MACC1: variants seen among roughly 807,000 people sequenced by gnomAD.
MACC1 encodes metastasis-associated in colon cancer protein 1.
In MACC1, 79 loss-of-function variants were observed where a neutral mutation model predicts 70.7. That is an observed-to-expected ratio of 1.12 (90% CI 0.93 to 1.35). The LOEUF is 1.35. Ranked by LOEUF, MACC1 falls within the 40% of genes most tolerant of loss-of-function variation. The pLI is 0.00. For synonymous variants in MACC1, 361 were observed against 347.2 expected (o/e 1.04, Z -0.44); for missense variants, 1,106 against 978.1 (o/e 1.13, Z -1.74).
intron 1 of MACC1, among the ~76,000 whole-genome samples, chr7:20,171,587 T>C (rs928263553): frequency 9.2e-5 from 10 of 108,830 alleles, no homozygotes; most frequent in Admixed American, 6.0e-4. Flanking sequence ...ATTATATCTG[T>C]TTTTTTTTTT....
rs75621603 is a variant in MACC1 at position 20,142,818 on chromosome 7, A to G, written c.2347-1660T>C. Among the ~76,000 whole-genome samples the G allele has an allele frequency of 6.5e-3, 994 of 152,352 alleles. 13 individuals carry two copies. The highest frequency in any genetic ancestry group is 0.023 in the African/African-American group (941 of 41,578). On this transcript the variant is annotated intron_variant, in intron 6 of 6. Transcript: ENST00000400331. The stretch of plus-strand genomic sequence containing the variant: ...GGACACTACCTTCTATTCACTTAAA[A>G]GTCCCTGATGCTCAACGAACTGGTT...
At chr7:20,188,060 C>T (rs1018131178) in intron 1 of MACC1, among the ~76,000 whole-genome samples, 1 of 151,902 alleles carries the variant, frequency 6.6e-6, no homozygotes, top group Non-Finnish European at 1.5e-5. Flanking sequence ...GGAGAAGTGC[C>T]GAGCAAAAAG....
intron 6 of MACC1, among the ~76,000 whole-genome samples, chr7:20,148,523 G>T (rs947234968): frequency 3.3e-5 from 5 of 152,190 alleles, no homozygotes; most frequent in African/African-American, 1.2e-4. Flanking sequence ...ATTAAATAGT[G>T]TCTTTAAATC....
At chr7:20,185,115 C>G (rs949093219) in intron 1 of MACC1, 6 of 152,222 alleles carry the variant, frequency 3.9e-5, no homozygotes, top group Admixed American at 1.3e-4. Context: ...TATCAGTTCT[C>G]TCTAAGAGGT....
At chr7:20,150,241 A>G (rs1201460747) in intron 6 of MACC1, among the ~76,000 whole-genome samples, 1 of 152,184 alleles carries the variant, frequency 6.6e-6, no homozygotes, top group Non-Finnish European at 1.5e-5. Context: ...TGTGTTTTTT[A>G]CGGCTCCTAA....
intron 1 of MACC1, among the ~76,000 whole-genome samples, chr7:20,214,590 T>C (rs553986693): frequency 6.6e-6 from 1 of 152,338 alleles, no homozygotes; most frequent in South Asian, 2.1e-4. Context: ...GCAATAACTA[T>C]ATATAAATGT....
chr7:20,150,494 T>C (rs1290256776), intron 6 of MACC1: 1 of 152,216 alleles, frequency 6.6e-6, no homozygotes, highest in African/African-American at 2.4e-5. Flanking sequence ...GAACAGGTTG[T>C]GAATAGAAGA....
intron 1 of MACC1, among the ~76,000 whole-genome samples, chr7:20,208,659 G>C (rs1344499474): frequency 1.3e-5 from 2 of 152,198 alleles, no homozygotes; most frequent in Non-Finnish European, 2.9e-5. Flanking sequence ...TGATAAAAAA[G>C]AAAAACTCAT....
chr7:20,138,771 C>T lies in MACC1; in HGVS notation c.*2175G>A, dbSNP rs1199171650. 6.6e-6 allele frequency: 1 copy of T among 151,824 alleles called. No homozygotes were observed. Among genetic ancestry groups the T allele is most frequent in the African/African-American group, 2.4e-5 (1 of 41,308 alleles). The allele number at this position is 151,824 out of a possible 1,614,324, so 9.4% of individuals were successfully genotyped here. On this transcript the variant is annotated 3_prime_UTR_variant, in exon 7 of 7. Coordinates refer to ENST00000400331, the MANE Select transcript of MACC1 (RefSeq NM_182762.4). ...CACTGCAAGCTCCGCCTCCCGGGTT[C>T]ACGCCATTCTCCTGCCTCAGCCTCC...
At chr7:20,146,014 A>G (rs2128100525) in intron 6 of MACC1, among the ~76,000 whole-genome samples, 1 of 152,122 alleles carries the variant, frequency 6.6e-6, no homozygotes, top group South Asian at 2.1e-4. Flanking sequence ...TACAAAAATT[A>G]GTGAGGCGTG....
At chr7:20,213,832 A>G (rs1783031729) in intron 1 of MACC1, among the ~76,000 whole-genome samples, 1 of 152,130 alleles carries the variant, frequency 6.6e-6, no homozygotes, top group Non-Finnish European at 1.5e-5. Flanking sequence ...GTGATGAAAT[A>G]ATCTGTACAA....
intron 1 of MACC1, among the ~76,000 whole-genome samples, chr7:20,177,757 T>G (rs747247623): frequency 6.6e-6 from 1 of 150,774 alleles, no homozygotes; most frequent in Non-Finnish European, 1.5e-5. Flanking sequence ...AAAATAATAA[T>G]GCATCTTACA....
chr7:20,151,444 G>A (rs1040341714), intron 6 of MACC1, among the ~76,000 whole-genome samples: 1 of 152,126 alleles, frequency 6.6e-6, no homozygotes, highest in African/African-American at 2.4e-5. Flanking sequence ...TAGTGTAAGT[G>A]CATTTTTTCT....
intron 1 of MACC1, among the ~76,000 whole-genome samples, chr7:20,188,673 T>C (rs1215055316): frequency 6.6e-6 from 1 of 152,128 alleles, no homozygotes; most frequent in Non-Finnish European, 1.5e-5. Flanking sequence ...CACCTTCTAT[T>C]AATTTTCACC....
chr7:20,150,233 T>C (rs1262205198), intron 6 of MACC1, among the ~76,000 whole-genome samples: 2 of 152,202 alleles, frequency 1.3e-5, no homozygotes, highest in Non-Finnish European at 2.9e-5. Context: ...TCATATTGTG[T>C]GTTTTTTACG....
chr7:20,158,507 T>C lies in MACC1; in HGVS notation c.1854A>G (p.Ser618=). The change falls in exon 5 of 7, where the codon TCA becomes TCG. Residue 618 remains serine (S), a synonymous_variant. Coordinates refer to ENST00000400331, the MANE Select transcript of MACC1 (RefSeq NM_182762.4). ...CTGACATAAACATTACTTGCTCCTT[T>C]GAAATCACCTTGACATTTTTGCAGT... ...LVHCKNVKVI[S]KEQVMFMSDS... 6.2e-7 allele frequency: 1 copy of C among 1,614,114 alleles called. No individual in the cohort carries two copies. Among genetic ancestry groups the C allele is most frequent in the Non-Finnish European group, 8.5e-7 (1 of 1,179,996 alleles).
rs148185597 is a variant in MACC1 at position 20,136,855 on chromosome 7, T to C, written c.*4091A>G. On this transcript the variant is annotated 3_prime_UTR_variant, in exon 7 of 7. Coordinates refer to ENST00000400331, the MANE Select transcript of MACC1 (RefSeq NM_182762.4). Reference sequence around the variant, plus strand: ...GATTATTATTAATTATTAATTGTAATTATTAATTCTTAAAGATTATTAATT... The same window carrying C: ...GATTATTATTAATTATTAATTGTAACTATTAATTCTTAAAGATTATTAATT... The C allele has an allele frequency of 0.012, 1,657 of 141,332 alleles. 35 individuals are homozygous for C. The highest frequency in any genetic ancestry group is 0.039 in the African/African-American group (1,575 of 40,626). The allele number at this position is 141,332 out of a possible 1,614,324, so 8.8% of individuals were successfully genotyped here. A position where few individuals can be genotyped will look rare whatever the true frequency, so the allele number is the denominator to read the frequency against.
At chr7:20,211,853 C>T (rs10273124) in intron 1 of MACC1, among the ~76,000 whole-genome samples, 13,265 of 152,138 alleles carry the variant, frequency 0.087, 665 homozygotes, top group Non-Finnish European at 0.11. Flanking sequence ...AAATGCCATA[C>T]AGCCATGAAA....
chr7:20,193,363 A>G (rs941190645), intron 1 of MACC1, among the ~76,000 whole-genome samples: 1 of 152,258 alleles, frequency 6.6e-6, no homozygotes, highest in Admixed American at 6.5e-5. Flanking sequence ...ACTAAGTGCA[A>G]AAGCTAATCT....
Sources: gnomAD v4.1 joint callset for allele counts (sites outside exome capture counted in the v4.1 genomes callset) on GRCh38, gnomAD v4.1.1 for gene constraint, MANE v1.5 for transcripts, NCBI Gene and HGNC (gene_info 2026-07-23, HGNC 2026-07-21) for gene names.